Variants in STX8 observed in about 807,000 individuals in gnomAD.
STX8 encodes the protein syntaxin-8.
In STX8, 23 loss-of-function variants were observed where a neutral mutation model predicts 37.5. The observed-to-expected ratio is 0.61, with a 90% CI of 0.44 to 0.87. The LOEUF is 0.87. Ranked by LOEUF, STX8 falls within the 40% of genes least tolerant of loss-of-function variation. The probability of loss-of-function intolerance (pLI) is 0.00; values close to 1 mark genes in which losing one functional copy is unlikely to be tolerated. For synonymous variants in STX8, 115 were observed against 99.1 expected, an observed-to-expected ratio of 1.16 and a Z score of -0.95; for missense variants, 313 against 284.7, an observed-to-expected ratio of 1.10 and a Z score of -0.71.
chr17:9,367,177 T>G (rs568107287), intron 7 of STX8, among the ~76,000 whole-genome samples: 8 of 152,168 alleles, frequency 5.3e-5, no homozygotes, highest in Non-Finnish European at 1.0e-4. Flanking sequence ...TTTTTGTTTT[T>G]TTTTTTTTGG....
chr17:9,472,637 G>T (rs1905918406), intron 6 of STX8, among the ~76,000 whole-genome samples: 3 of 152,300 alleles, frequency 2.0e-5, no homozygotes, highest in Middle Eastern at 3.4e-3. Context: ...CTTTTTTGAA[G>T]TCCCTTCTCC....
At chr17:9,265,060 A>G (rs1907183897) in intron 7 of STX8, among the ~76,000 whole-genome samples, 1 of 150,268 alleles carries the variant, frequency 6.7e-6, no homozygotes, top group South Asian at 2.2e-4. Context: ...TAGAGGTTAC[A>G]GTGAGCCATG....
intron 4 of STX8, among the ~76,000 whole-genome samples, chr17:9,524,782 T>C (rs1452596724): frequency 1.1e-5 from 1 of 89,860 alleles, no homozygotes; most frequent in Non-Finnish European, 2.2e-5. Context: ...TTTTGTTTTG[T>C]TTTTGTTTGT....
intron 6 of STX8, among the ~76,000 whole-genome samples, chr17:9,420,289 T>G (rs1415587161): frequency 6.6e-6 from 1 of 152,100 alleles, no homozygotes; most frequent in African/African-American, 2.4e-5. Context: ...ACCTCTGCAG[T>G]TCTCTTAAGC....
intron 7 of STX8, among the ~76,000 whole-genome samples, chr17:9,272,185 C>T (rs1180930040): frequency 6.6e-6 from 1 of 152,240 alleles, no homozygotes. Flanking sequence ...GGCCAAATGA[C>T]CGCTCTTGCT....
chr17:9,313,700 C>G (rs758276738), intron 7 of STX8, among the ~76,000 whole-genome samples: 2 of 152,204 alleles, frequency 1.3e-5, no homozygotes, highest in African/African-American at 4.8e-5. Flanking sequence ...GATCTCAGCT[C>G]ACTGCATGCA....
At chr17:9,384,404 C>T (rs1198479236) in intron 6 of STX8, among the ~76,000 whole-genome samples, 2 of 152,090 alleles carry the variant, frequency 1.3e-5, no homozygotes, top group Non-Finnish European at 2.9e-5. Context: ...TTTGGGAGGC[C>T]TAGGCGGGTG....
chr17:9,286,392 G>A lies in STX8; in HGVS notation c.644-35747C>T, dbSNP rs141577883. Among the ~76,000 whole-genome samples the A allele has an allele frequency of 1.6e-4, 25 of 152,162 alleles. No homozygotes were observed. The East Asian group carries it at 4.6e-3, about 28-fold the overall frequency. On this transcript the variant is annotated intron_variant, in intron 7 of 7. Transcript: ENST00000306357. The stretch of plus-strand genomic sequence containing the variant: ...CAACACTGTCTGTTATGTTGGGGTG[G>A]GTAGTTACAAAAAAATATTGTCTTG...
At position 9,289,885 on chromosome 17, in the gene STX8, G is replaced by A. The variant is rs76279191; in HGVS notation, c.644-39240C>T. On this transcript the variant is annotated intron_variant, in intron 7 of 7. Transcript: ENST00000306357. ...AGGAGATCTAATTACAATAAACTAC[G>A]TAGCTCTGTTAATGATATTGATATG... 7.2e-5 allele frequency among the ~76,000 whole-genome samples: 11 copies of A among 152,256 alleles called. 1 individual carries two copies. In the East Asian group the frequency reaches 1.5e-3, roughly 21 times the overall value.
intron 7 of STX8, among the ~76,000 whole-genome samples, chr17:9,271,319 T>C (rs1463880829): frequency 1.3e-5 from 2 of 152,072 alleles, no homozygotes; most frequent in Non-Finnish European, 2.9e-5. Flanking sequence ...CTGGGCGTGA[T>C]GGCATGTGCC....
At chr17:9,280,637 C>T (rs907202122) in intron 7 of STX8, among the ~76,000 whole-genome samples, 3 of 152,082 alleles carry the variant, frequency 2.0e-5, no homozygotes, top group African/African-American at 7.2e-5. Flanking sequence ...TTGAAAATTC[C>T]ACAAGTTTAC....
chr17:9,333,750 C>T (rs1910044337), intron 7 of STX8, among the ~76,000 whole-genome samples: 1 of 151,510 alleles, frequency 6.6e-6, no homozygotes, highest in South Asian at 2.1e-4. Context: ...ATATAACACA[C>T]ACATGTTTTT....
At chr17:9,257,504 C>T (rs1040235701) in intron 7 of STX8, among the ~76,000 whole-genome samples, 1 of 152,088 alleles carries the variant, frequency 6.6e-6, no homozygotes, top group Non-Finnish European at 1.5e-5. Context: ...GCTGACTTTT[C>T]GAGAGAGTGT....
chr17:9,527,852 T>A (rs1250879290), intron 4 of STX8, among the ~76,000 whole-genome samples: 1 of 152,206 alleles, frequency 6.6e-6, no homozygotes, highest in Non-Finnish European at 1.5e-5. Flanking sequence ...TCATACCTTT[T>A]GTCCCAGTAA....
At chr17:9,421,439 A>G (rs1377145562) in intron 6 of STX8, among the ~76,000 whole-genome samples, 1 of 139,996 alleles carries the variant, frequency 7.1e-6, no homozygotes, top group African/African-American at 2.6e-5. Flanking sequence ...TGCAGATTAT[A>G]TAGGCCAGAG....
chr17:9,567,865 T>C (rs1907523698), intron 2 of STX8, among the ~76,000 whole-genome samples: 1 of 152,140 alleles, frequency 6.6e-6, no homozygotes, highest in South Asian at 2.1e-4. Context: ...TTTATATTTT[T>C]AGTAGAGATG....
chr17:9,315,297 A>C (rs1036872492), intron 7 of STX8, among the ~76,000 whole-genome samples: 21 of 152,050 alleles, frequency 1.4e-4, no homozygotes, highest in African/African-American at 4.3e-4. Flanking sequence ...AAACAACAAA[A>C]AAAAAAAACA....
At chr17:9,430,622 A>T (rs1239097633) in intron 6 of STX8, among the ~76,000 whole-genome samples, 1 of 149,632 alleles carries the variant, frequency 6.7e-6, no homozygotes, top group Non-Finnish European at 1.5e-5. Context: ...TCATCTGTTG[A>T]CGGACAGTTG....
At chr17:9,277,539 G>C (rs1907718961) in intron 7 of STX8, among the ~76,000 whole-genome samples, 1 of 152,120 alleles carries the variant, frequency 6.6e-6, no homozygotes, top group Non-Finnish European at 1.5e-5. Context: ...CAAGGGTCAA[G>C]ATAGACATGA....
Sources: gnomAD v4.1 joint callset for allele counts (sites outside exome capture counted in the v4.1 genomes callset) on GRCh38, gnomAD v4.1.1 for gene constraint, MANE v1.5 for transcripts, NCBI Gene and HGNC (gene_info 2026-07-23, HGNC 2026-07-21) for gene names.